MCC: variants seen among roughly 807,000 people sequenced by gnomAD.
MCC encodes colorectal mutant cancer protein.
Under a neutral mutation model 116.2 loss-of-function variants are expected in MCC, and 90 were observed. The observed-to-expected ratio is 0.77, with a 90% CI of 0.65 to 0.92. The LOEUF (loss-of-function observed/expected upper bound fraction) is 0.92. MCC is among the 40% of genes least tolerant of loss of function. The probability of loss-of-function intolerance (pLI) is 0.00; values close to 1 mark genes in which losing one functional copy is unlikely to be tolerated. For missense variants in MCC, 1,516 were observed against 1,312.2 expected, an observed-to-expected ratio of 1.16 and a Z score of -2.40; for synonymous variants, 578 against 510.5, an observed-to-expected ratio of 1.13 and a Z score of -1.78.
At chr5:113,049,607 C>T (rs756082592) in intron 15 of MCC, among the ~76,000 whole-genome samples, 7 of 152,304 alleles carry the variant, frequency 4.6e-5, no homozygotes, top group Admixed American at 4.6e-4. Context: ...AAATAGAGCC[C>T]CCACTCAGGC....
chr5:113,382,681 GAT>G (rs1456072436), intron 2 of MCC, among the ~76,000 whole-genome samples: 1 of 152,178 alleles, frequency 6.6e-6, no homozygotes, highest in Non-Finnish European at 1.5e-5. Context: ...CGTATTTAGT[GAT>G]TATGTGTGGG....
At chr5:113,336,833 G>A (rs1048480479) in intron 3 of MCC, among the ~76,000 whole-genome samples, 1 of 152,208 alleles carries the variant, frequency 6.6e-6, no homozygotes, top group African/African-American at 2.4e-5. Flanking sequence ...AAGCCTCATG[G>A]TATCCACTGT....
chr5:113,197,889 G>A (rs143384655), intron 3 of MCC, among the ~76,000 whole-genome samples: 108 of 152,344 alleles, frequency 7.1e-4, no homozygotes, highest in African/African-American at 2.5e-3. Context: ...GTAAACCCAG[G>A]CAGGAGAGGC....
chr5:113,431,774 G>C (rs1440819372), intron 1 of MCC, among the ~76,000 whole-genome samples: 1 of 133,298 alleles, frequency 7.5e-6, no homozygotes, highest in Non-Finnish European at 1.7e-5. Context: ...GGGGGGGGGG[G>C]GGTGGATCAC....
Position 113,322,970 on chromosome 5 carries a change from T to G in MCC, c.627+17549A>C, listed in dbSNP as rs548385981. On this transcript the variant is annotated intron_variant, in intron 3 of 18. Coordinates refer to ENST00000408903, the MANE Select transcript of MCC (RefSeq NM_001085377.2). ...AATGACAGTGCGTGACTTCTGAGGC[T>G]AGGTCATAAAAGACATTGTAGCTCT... The G allele has an allele frequency of 5.9e-5, 9 of 152,468 alleles. No homozygotes were observed. The East Asian group carries it at 1.7e-3, about 29-fold the overall frequency. The allele number at this position is 152,468 out of a possible 1,614,324, so 9.4% of individuals were successfully genotyped here.
At chr5:113,354,363 A>C (rs1170019716) in intron 2 of MCC, among the ~76,000 whole-genome samples, 1 of 152,216 alleles carries the variant, frequency 6.6e-6, no homozygotes, top group East Asian at 1.9e-4. Context: ...GTGAATTACA[A>C]GAACAGAGTT....
chr5:113,438,099 A>G (rs1326522839), intron 1 of MCC, among the ~76,000 whole-genome samples: 1 of 152,212 alleles, frequency 6.6e-6, no homozygotes, highest in Non-Finnish European at 1.5e-5. Flanking sequence ...AATGCATGAG[A>G]GGAGAGCCAA....
At chr5:113,484,145 A>ATAGTGGGCACTAGGCTTAGTACCCATAAC in intron 1 of MCC, among the ~76,000 whole-genome samples, 1 of 152,060 alleles carries the variant, frequency 6.6e-6, no homozygotes, top group Non-Finnish European at 1.5e-5. Flanking sequence ...ATCCATAACT[A>ATAGTGGGCACTAGGCTTAGTACCCATAAC]TAGTGGGCAC....
At chr5:113,413,044 G>A (rs200773121) in intron 1 of MCC, among the ~76,000 whole-genome samples, 8 of 152,208 alleles carry the variant, frequency 5.3e-5, no homozygotes, top group African/African-American at 1.2e-4. Flanking sequence ...GGTTTTTGTC[G>A]TTGGTTCTGT....
intron 3 of MCC, among the ~76,000 whole-genome samples, chr5:113,173,299 T>C (rs1336242126): frequency 6.6e-6 from 1 of 152,192 alleles, no homozygotes; most frequent in Non-Finnish European, 1.5e-5. Context: ...CTTTTATTCA[T>C]CTGGAATTTC....
At chr5:113,084,373 G>A (rs926668448) in intron 9 of MCC, among the ~76,000 whole-genome samples, 183 bp from the exon 10 acceptor site, 5 of 152,230 alleles carry the variant, frequency 3.3e-5, no homozygotes, top group Non-Finnish European at 7.3e-5. Flanking sequence ...CTTCAGCACT[G>A]CTGATATTTT....
At chr5:113,101,289 C>T (rs181461628) in intron 8 of MCC, among the ~76,000 whole-genome samples, 365 of 151,562 alleles carry the variant, frequency 2.4e-3, no homozygotes, top group Non-Finnish European at 3.5e-3. Context: ...CCAGGAGAGA[C>T]GACATTCTAT....
At chr5:113,401,347 G>A (rs1305480727) in intron 1 of MCC, among the ~76,000 whole-genome samples, 1 of 152,156 alleles carries the variant, frequency 6.6e-6, no homozygotes, top group Non-Finnish European at 1.5e-5. Context: ...TAAAAAAGGA[G>A]TAAAGGTAGA....
intron 6 of MCC, among the ~76,000 whole-genome samples, chr5:113,114,015 C>T (rs1757253022): frequency 6.6e-6 from 1 of 151,554 alleles, no homozygotes; most frequent in Admixed American, 6.6e-5. Flanking sequence ...GGAGAAGGTT[C>T]CTTCTTAAAA....
intron 2 of MCC, among the ~76,000 whole-genome samples, chr5:113,344,969 T>C (rs1307682306): frequency 2.6e-5 from 4 of 151,950 alleles, no homozygotes; most frequent in East Asian, 1.9e-4. Context: ...CACAGTGGGG[T>C]AGAGCAACAA....
At chr5:113,161,634 G>A (rs1326371654) in intron 3 of MCC, among the ~76,000 whole-genome samples, 2,416 of 10,508 alleles carry the variant, frequency 0.23, 59 homozygotes, top group Admixed American at 0.27. Flanking sequence ...GTGTGTGTGT[G>A]TGTGTGTGTG....
In MCC at chr5:113,151,273, A is replaced by G. The variant is rs755620511; in HGVS notation, c.741+36T>C. 21 of 1,318,966 alleles carry G rather than the reference A, an allele frequency of 1.6e-5. No individual in the cohort carries two copies. In the South Asian group the frequency reaches 2.3e-4, roughly 14 times the overall value. The allele number at this position is 1,318,966 out of a possible 1,614,324, so 81.7% of individuals were successfully genotyped here. ...TAAGATTAAATATTTAAAACAAAAA[A>G]CAAAAGCAAACTAAAAACCTTTCCA... On this transcript the variant is annotated intron_variant, in intron 4 of 18. Transcript: ENST00000408903.
At chr5:113,042,474 CAAAA>C (rs5870523) in intron 17 of MCC, among the ~76,000 whole-genome samples, 302 of 68,476 alleles carry the variant, frequency 4.4e-3, no homozygotes, top group African/African-American at 0.013. Context: ...GACCCTCTCT[CAAAA>C]AAAAAAAAAA....
intron 1 of MCC, among the ~76,000 whole-genome samples, chr5:113,403,199 G>T (rs965590311): frequency 1.3e-5 from 2 of 152,014 alleles, no homozygotes; most frequent in African/African-American, 4.8e-5. Context: ...GGAAGGAATG[G>T]CACAGAACAG....
Sources: allele counts gnomAD v4.1 joint callset (sites outside exome capture counted in the v4.1 genomes callset), GRCh38; gene constraint gnomAD v4.1.1; transcripts MANE v1.5; gene names NCBI Gene and HGNC (gene_info 2026-07-23, HGNC 2026-07-21).